The following TMLHE variants were observed in gnomAD, a reference collection of about 807,000 sequenced individuals.
The protein encoded by TMLHE is trimethyllysine dioxygenase, mitochondrial.
Under a neutral mutation model 25.7 loss-of-function variants are expected in TMLHE, and 18 were observed. The observed-to-expected ratio is 0.70, with a 90% CI of 0.48 to 1.04. TMLHE has a LOEUF of 1.04. Ranked by LOEUF, TMLHE falls within the 50% of genes least tolerant of loss-of-function variation. The pLI is 0.00. For synonymous variants in TMLHE, 105 were observed against 97.0 expected (o/e 1.08, Z -0.49); for missense variants, 236 against 259.0 (o/e 0.91, Z 0.61).
At chrX:155,525,088 G>C in intron 2 of TMLHE, among the ~76,000 whole-genome samples, 1 of 111,489 alleles carries the variant, frequency 9.0e-6, no homozygotes, top group Non-Finnish European at 1.9e-5. Flanking sequence ...AAAGAAGGAA[G>C]CATAGGTGCG....
intron 1 of TMLHE, among the ~76,000 whole-genome samples, chrX:155,580,505 T>A (rs191559152): frequency 6.2e-4 from 70 of 112,120 alleles, no homozygotes; most frequent in African/African-American, 2.3e-3. Flanking sequence ...AAAAAAGCCA[T>A]TATATAAAAA....
intron 2 of TMLHE, among the ~76,000 whole-genome samples, chrX:155,526,827 C>G (rs1396370908): frequency 1.8e-5 from 2 of 113,176 alleles, no homozygotes; most frequent in African/African-American, 6.4e-5. Context: ...AACGACTGCC[C>G]TGTTGGGTTT....
intron 1 of TMLHE, among the ~76,000 whole-genome samples, chrX:155,547,270 G>T (rs891013009): frequency 4.6e-5 from 4 of 87,819 alleles, no homozygotes; most frequent in Admixed American, 1.3e-4. Context: ...TCAGCCTCCC[G>T]AGTAGCTGGG....
intron 2 of TMLHE, among the ~76,000 whole-genome samples, chrX:155,537,155 A>G (rs188170182): frequency 8.0e-5 from 9 of 112,298 alleles, no homozygotes; most frequent in Non-Finnish European, 1.5e-4. Context: ...CAGTAAAATC[A>G]GATTGGAGTT....
intron 5 of TMLHE, 74 bp from the exon 6 acceptor site, chrX:155,507,208 A>G: frequency 1.5e-6 from 1 of 667,411 alleles, no homozygotes. Flanking sequence ...TTATATATAA[A>G]ATGATTACTG....
intron 5 of TMLHE, among the ~76,000 whole-genome samples, chrX:155,509,471 A>G (rs1303635052): frequency 2.7e-5 from 3 of 111,777 alleles, no homozygotes; most frequent in African/African-American, 9.7e-5. Context: ...CATTGATTAC[A>G]AACAATTAAA....
rs782447495 is a variant in TMLHE, at chrX:155,548,690, G to A, written c.-1-3413C>T. ...GCAAAGGTTGCAGTGAGCTGAGATT[G>A]TGCCACTGCACTCCAGCCTGGGCGA... is the stretch of plus-strand genomic sequence containing the variant. On this transcript the variant is annotated intron_variant, in intron 1 of 7. Transcript: ENST00000334398. Among the ~76,000 whole-genome samples, 15 of 107,903 alleles carry A rather than the reference G, an allele frequency of 1.4e-4. No homozygotes were observed. The South Asian group carries it at 1.7e-3, about 12-fold the overall frequency. 93.7% of individuals were successfully genotyped at this position (107,903 alleles called of 115,157 possible). A position where few individuals can be genotyped will look rare whatever the true frequency, so the allele number is the denominator to read the frequency against.
At chrX:155,556,584 G>A (rs782024934) in intron 1 of TMLHE, among the ~76,000 whole-genome samples, 228 of 108,946 alleles carry the variant, frequency 2.1e-3, no homozygotes, top group African/African-American at 6.7e-3. Context: ...TACTTAACAG[G>A]GTAATAGAAT....
At chrX:155,527,304 T>C (rs1424873182) in intron 2 of TMLHE, among the ~76,000 whole-genome samples, 1 of 111,858 alleles carries the variant, frequency 8.9e-6, no homozygotes, top group African/African-American at 3.3e-5. Flanking sequence ...TGTGTAGCAC[T>C]TCCCCCTTTG....
intron 1 of TMLHE, among the ~76,000 whole-genome samples, chrX:155,603,819 T>C (rs1228962420): frequency 1.8e-5 from 2 of 112,157 alleles, no homozygotes; most frequent in Non-Finnish European, 1.9e-5. Flanking sequence ...ATAAAACTTT[T>C]AGAAACATAG....
intron 3 of TMLHE, among the ~76,000 whole-genome samples, chrX:155,522,099 G>T (rs949330638): frequency 8.9e-6 from 1 of 112,254 alleles, no homozygotes; most frequent in Non-Finnish European, 1.9e-5. Flanking sequence ...ACATATTAAG[G>T]ATATTTAGTC....
intron 1 of TMLHE, among the ~76,000 whole-genome samples, chrX:155,567,759 G>A (rs7061349): frequency 0.06 from 3,704 of 61,645 alleles, 584 homozygotes; most frequent in African/African-American, 0.12. Context: ...AATGTACAGT[G>A]GAAGACCGAA....
chrX:155,542,592 C>T (rs1253023684), intron 2 of TMLHE, among the ~76,000 whole-genome samples: 1 of 111,655 alleles, frequency 9.0e-6, no homozygotes, highest in Non-Finnish European at 1.9e-5. Context: ...TTGGAGGCCT[C>T]GCACTTCCCA....
intron 1 of TMLHE, among the ~76,000 whole-genome samples, chrX:155,548,733 TC>T (rs1459256498): frequency 2.1e-5 from 2 of 97,262 alleles, no homozygotes; most frequent in Admixed American, 1.1e-4. Context: ...AGACTCTGTC[TC>T]AAAAAAAAAA....
At chrX:155,512,291 A>G (rs923550169) in intron 4 of TMLHE, among the ~76,000 whole-genome samples, 2 of 106,600 alleles carry the variant, frequency 1.9e-5, no homozygotes, top group African/African-American at 7.1e-5. Context: ...AGCATTAGGT[A>G]TATCTCCCAA....
rs1176664345 is a variant in TMLHE, at chrX:155,553,497, G to A, written c.-1-8220C>T. Among the ~76,000 whole-genome samples the A allele has an allele frequency of 4.7e-5, 5 of 107,468 alleles. 1 individual carries two copies. The highest frequency in any genetic ancestry group is 1.7e-4 in the African/African-American group (5 of 29,347). 93.3% of individuals were successfully genotyped at this position (107,468 alleles called of 115,157 possible). A position where few individuals can be genotyped will look rare whatever the true frequency, so the allele number is the denominator to read the frequency against. ...AATATAGCTATATCAGCTTTCTTTT[G>A]GGTAGTATCTGCATTCTATACTTCT... On this transcript the variant is annotated intron_variant, in intron 1 of 7. Transcript: ENST00000334398.
At chrX:155,553,413 A>G (rs2067427820) in intron 1 of TMLHE, among the ~76,000 whole-genome samples, 1 of 109,706 alleles carries the variant, frequency 9.1e-6, no homozygotes, top group African/African-American at 3.3e-5. Context: ...TGTTATCATT[A>G]TAAAATAGCT....
At chrX:155,532,138 C>T (rs782460634) in intron 2 of TMLHE, among the ~76,000 whole-genome samples, 2 of 111,600 alleles carry the variant, frequency 1.8e-5, no homozygotes, top group African/African-American at 6.5e-5. Context: ...CCTCTGGGGA[C>T]ATGAGAACTC....
chrX:155,555,694 A>G (rs1430864919), intron 1 of TMLHE, among the ~76,000 whole-genome samples: 4 of 110,568 alleles, frequency 3.6e-5, no homozygotes, highest in African/African-American at 1.3e-4. Context: ...TGTCTGTTAT[A>G]TCCTTTGCCC....
Sources: allele counts gnomAD v4.1 joint callset (sites outside exome capture counted in the v4.1 genomes callset), GRCh38; gene constraint gnomAD v4.1.1; transcripts MANE v1.5; gene names NCBI Gene and HGNC (gene_info 2026-07-23, HGNC 2026-07-21).